TLCD4: variants seen among roughly 807,000 people sequenced by gnomAD.
The protein encoded by TLCD4 is TLC domain containing 4.
Under a neutral mutation model 24.2 loss-of-function variants are expected in TLCD4, and 7 were observed. That is an observed-to-expected ratio of 0.29 (90% confidence interval 0.16 to 0.54). TLCD4 has a LOEUF of 0.54. Ranked by LOEUF, TLCD4 falls within the 20% of genes least tolerant of loss-of-function variation. The probability of loss-of-function intolerance (pLI) is 0.95; values close to 1 mark genes in which losing one functional copy is unlikely to be tolerated. For synonymous variants in TLCD4, 103 were observed against 106.4 expected (o/e 0.97, Z 0.20); for missense variants, 259 against 313.9 (o/e 0.82, Z 1.32).
intron 2 of TLCD4, among the ~76,000 whole-genome samples, chr1:95,145,864 A>G (rs12239764): frequency 0.15 from 23,419 of 152,062 alleles, 1,967 homozygotes; most frequent in Non-Finnish European, 0.18. Flanking sequence ...GGGAAACTGA[A>G]TTTCTATTTG....
the TLCD4 span, among the ~76,000 whole-genome samples, chr1:95,105,788 G>A: frequency 6.6e-6 from 1 of 151,002 alleles, no homozygotes; most frequent in Admixed American, 6.6e-5. Context: ...CCAGCTACTC[G>A]CGAGGCTGAG....
intron 6 of TLCD4, among the ~76,000 whole-genome samples, chr1:95,175,879 G>A (rs1210092192): frequency 2.6e-5 from 4 of 151,750 alleles, no homozygotes; most frequent in African/African-American, 9.7e-5. Context: ...AGGCTCAAAG[G>A]ATCCTCCCAC....
intron 5 of TLCD4, among the ~76,000 whole-genome samples, chr1:95,170,917 A>G (rs12048133): frequency 0.072 from 10,920 of 151,754 alleles, 533 homozygotes; most frequent in East Asian, 0.2. Context: ...AAGCCACCAA[A>G]TTTTTTCATT....
chr1:95,135,425 C>A (rs1677015102), intron 1 of TLCD4, among the ~76,000 whole-genome samples: 1 of 137,590 alleles, frequency 7.3e-6, no homozygotes, highest in Admixed American at 7.8e-5. Context: ...GAGACAGAGT[C>A]TTCCTCTGTC....
chr1:95,162,872 C>T (rs1233233957), intron 5 of TLCD4, among the ~76,000 whole-genome samples: 4 of 152,220 alleles, frequency 2.6e-5, no homozygotes, highest in Non-Finnish European at 5.9e-5. Flanking sequence ...GAGAGATCCG[C>T]TGTTAGTCTG....
intron 6 of TLCD4, among the ~76,000 whole-genome samples, chr1:95,180,656 ATAAAG>A (rs1481768875): frequency 6.6e-6 from 1 of 152,200 alleles, no homozygotes; most frequent in Non-Finnish European, 1.5e-5. Flanking sequence ...TTTCTTTTAT[ATAAAG>A]TAATTTAATG....
At chr1:95,170,552 A>G (rs981630982) in intron 5 of TLCD4, among the ~76,000 whole-genome samples, 2 of 151,982 alleles carry the variant, frequency 1.3e-5, no homozygotes, top group Non-Finnish European at 2.9e-5. Context: ...GATGGTCTCG[A>G]TCTCCTGACC....
intron 1 of TLCD4, among the ~76,000 whole-genome samples, chr1:95,142,777 C>T (rs72966520): frequency 0.11 from 16,438 of 152,018 alleles, 1,227 homozygotes; most frequent in East Asian, 0.29. Flanking sequence ...TGGTGAAACC[C>T]CGTCTCTACT....
chr1:95,142,306 T>G (rs1253741852), intron 1 of TLCD4, among the ~76,000 whole-genome samples: 1 of 150,920 alleles, frequency 6.6e-6, no homozygotes, highest in African/African-American at 2.4e-5. Context: ...TTTTTTTTTT[T>G]TTTTTTAATA....
chr1:95,126,794 A>G (rs1454128131), intron 1 of TLCD4, among the ~76,000 whole-genome samples: 3 of 152,090 alleles, frequency 2.0e-5, no homozygotes, highest in Non-Finnish European at 2.9e-5. Context: ...GCAATTTTCC[A>G]AGATAGTGTT....
chr1:95,151,214 G>T, intron 4 of TLCD4, 111 bp from the exon 5 acceptor site: 1 of 1,066,892 alleles, frequency 9.4e-7, no homozygotes, highest in Non-Finnish European at 1.4e-6. Context: ...ACAAAGTGCT[G>T]TGGGCTCAGA....
intron 1 of TLCD4, among the ~76,000 whole-genome samples, chr1:95,126,484 T>A (rs188511243): frequency 1.3e-5 from 2 of 151,686 alleles, no homozygotes; most frequent in East Asian, 3.9e-4. Context: ...TATTGAGTCG[T>A]CTTTTAATCT....
rs1418796945 is a variant in TLCD4, at chr1:95,191,550, G to A, written c.474G>A (p.Arg158=). 3 of 1,598,838 alleles carry A rather than the reference G, an allele frequency of 1.9e-6. No homozygotes were observed. Among genetic ancestry groups the A allele is most frequent in the African/African-American group, 1.3e-5 (1 of 74,108 alleles). Residue 158 remains arginine (R), a splice_region_variant and synonymous_variant, in exon 7 of 7, where the codon CGG becomes CGA. Coordinates refer to ENST00000370203, the MANE Select transcript of TLCD4 (RefSeq NM_152487.3). ...AELSSPFVNQ[R]WFFEALKYPK... ...GATGTTTCTTTAATTCATTTTTCAG[G>A]TGGTTCTTTGAAGCTCTGAAGTATC...
At chr1:95,181,580 A>ATTTATTTATTTAT (rs1553172742) in intron 6 of TLCD4, among the ~76,000 whole-genome samples, 8,272 of 145,646 alleles carry the variant, frequency 0.057, 287 homozygotes, top group Non-Finnish European at 0.071. Context: ...AATTTGTTTA[A>ATTTATTTATTTAT]TTATTTATTT....
At chr1:95,130,413 A>G (rs1676860005) in intron 1 of TLCD4, among the ~76,000 whole-genome samples, 1 of 152,174 alleles carries the variant, frequency 6.6e-6, no homozygotes, top group African/African-American at 2.4e-5. Flanking sequence ...CGGCCTCCCA[A>G]AGTGCTGAGA....
chr1:95,179,820 G>T (rs1381378116), intron 6 of TLCD4, among the ~76,000 whole-genome samples: 1 of 152,094 alleles, frequency 6.6e-6, no homozygotes, highest in African/African-American at 2.4e-5. Context: ...TCTCACACCA[G>T]CTTGTCCATC....
chr1:95,176,873 C>T (rs994394886), intron 6 of TLCD4, among the ~76,000 whole-genome samples: 1 of 152,068 alleles, frequency 6.6e-6, no homozygotes, highest in Non-Finnish European at 1.5e-5. Context: ...GTAGTTTTTC[C>T]AGCACATTTG....
intron 2 of TLCD4, among the ~76,000 whole-genome samples, chr1:95,148,490 A>G (rs898835143): frequency 6.6e-6 from 1 of 152,218 alleles, no homozygotes; most frequent in African/African-American, 2.4e-5. Context: ...AGGCCTTGGT[A>G]TCTTCCTCCT....
At chr1:95,189,801 G>A (rs898977837) in intron 6 of TLCD4, among the ~76,000 whole-genome samples, 15 of 152,240 alleles carry the variant, frequency 9.9e-5, no homozygotes, top group African/African-American at 3.6e-4. Flanking sequence ...GTTGTTGGCA[G>A]TTATGAATAA....
Sources: allele counts gnomAD v4.1 joint callset (sites outside exome capture counted in the v4.1 genomes callset), GRCh38; gene constraint gnomAD v4.1.1; transcripts MANE v1.5; gene names NCBI Gene and HGNC (gene_info 2026-07-23, HGNC 2026-07-21).